Variants in WLS observed in about 807,000 individuals in gnomAD.
WLS encodes Wnt ligand secretion mediator, also known as protein wntless homolog.
Under a neutral mutation model 62.8 loss-of-function variants are expected in WLS, and 23 were observed. The observed-to-expected ratio is 0.37, with a 90% CI of 0.26 to 0.52. The LOEUF is 0.52. WLS is among the 20% of genes least tolerant of loss of function. The pLI, the probability that WLS is intolerant of heterozygous loss-of-function variation, is 0.92. For synonymous variants in WLS, 246 were observed against 244.1 expected (o/e 1.01, Z -0.07); for missense variants, 615 against 697.3 (o/e 0.88, Z 1.33).
intron 2 of WLS, chr1:68,162,289 A>C (rs1206231084): frequency 1.3e-5 from 21 of 1,606,692 alleles, no homozygotes; most frequent in Admixed American, 1.7e-5. Flanking sequence ...GGGTGCGTTC[A>C]CAAGGAATGC....
chr1:68,163,448 A>C (rs1647014743), intron 2 of WLS, among the ~76,000 whole-genome samples: 1 of 149,376 alleles, frequency 6.7e-6, no homozygotes, highest in African/African-American at 2.5e-5. Flanking sequence ...GCCTCCCCTC[A>C]GCGCAGCATG....
At chr1:68,224,140 G>A (rs2820470) in intron 1 of WLS, among the ~76,000 whole-genome samples, 151,293 of 152,326 alleles carry the variant, frequency 0.99, 75,141 homozygotes, top group East Asian at 1. Context: ...AAGACCCTGT[G>A]ATTCCTGTGG....
At chr1:68,160,984 A>G (rs1646963950) in intron 2 of WLS, among the ~76,000 whole-genome samples, 1 of 152,350 alleles carries the variant, frequency 6.6e-6, no homozygotes, top group South Asian at 2.1e-4. Flanking sequence ...CTGACAAGTT[A>G]CCATAAAAAG....
intron 1 of WLS, among the ~76,000 whole-genome samples, chr1:68,217,814 T>C (rs1649790653): frequency 6.6e-6 from 1 of 152,164 alleles, no homozygotes; most frequent in Non-Finnish European, 1.5e-5. Context: ...AGCCCCTTTG[T>C]GAGAGGGGTC....
intron 2 of WLS, among the ~76,000 whole-genome samples, chr1:68,187,312 G>A (rs754115868): frequency 4.4e-4 from 67 of 151,370 alleles, no homozygotes; most frequent in Non-Finnish European, 8.7e-4. Context: ...TTTATCAAAT[G>A]AATAATTAGT....
At chr1:68,208,869 G>GC (rs1228124860) in intron 1 of WLS, among the ~76,000 whole-genome samples, 4 of 152,176 alleles carry the variant, frequency 2.6e-5, no homozygotes, top group Non-Finnish European at 1.5e-5. Flanking sequence ...TTAGAGATAT[G>GC]CCTGCACTGG....
At chr1:68,130,625 G>C (rs1189732407) in intron 11 of WLS, among the ~76,000 whole-genome samples, 3 of 152,112 alleles carry the variant, frequency 2.0e-5, no homozygotes, top group African/African-American at 7.2e-5. Context: ...GAAAAGTGTA[G>C]TATTTTAAAG....
intron 1 of WLS, among the ~76,000 whole-genome samples, chr1:68,226,566 C>T (rs1650149646): frequency 6.6e-6 from 1 of 151,916 alleles, no homozygotes; most frequent in East Asian, 1.9e-4. Context: ...TCTCGAATTC[C>T]CAATAAATAA....
chr1:68,109,667 TTAAAC>T (rs1646195201), intron 11 of WLS, among the ~76,000 whole-genome samples: 1 of 151,844 alleles, frequency 6.6e-6, no homozygotes, highest in African/African-American at 2.4e-5. Flanking sequence ...GTTGAAGAAA[TTAAAC>T]AGAATATAGC....
At chr1:68,208,718 A>G (rs1243409805) in intron 1 of WLS, among the ~76,000 whole-genome samples, 1 of 152,214 alleles carries the variant, frequency 6.6e-6, no homozygotes, top group East Asian at 1.9e-4. Flanking sequence ...CATAGAGGCA[A>G]CATGAGAAAG....
Position 68,150,273 on chromosome 1 carries a change from A to C in WLS, c.887T>G (p.Met296Arg), listed in dbSNP as rs747019918. The C allele has an allele frequency of 1.2e-6, 2 of 1,614,240 alleles. No homozygotes were observed. Among genetic ancestry groups the C allele is most frequent in the South Asian group, 2.2e-5 (2 of 91,086 alleles). The change falls in exon 6 of 12, where the codon ATG (methionine) becomes AGG (arginine). Residue 296 changes from methionine to arginine, a missense_variant. Coordinates refer to ENST00000262348, the MANE Select transcript of WLS (RefSeq NM_024911.7). The stretch of plus-strand genomic sequence containing the variant: ...CTGTCGGATGTCACCAAACAGCAGC[A>C]TCCAGGTCCAGTCAAACCCGATGGA... ...WFSIGFDWTW[M>R]LLFGDIRQGI...
At chr1:68,139,486 G>C (rs1372167600) in intron 10 of WLS, among the ~76,000 whole-genome samples, 2 of 152,190 alleles carry the variant, frequency 1.3e-5, no homozygotes, top group African/African-American at 4.8e-5. Context: ...GAACTCTTCT[G>C]TATGTGATTA....
chr1:68,232,431 C>A lies in WLS; in HGVS notation c.-132G>T, dbSNP rs1254646082. On this transcript the variant is annotated 5_prime_UTR_variant, in exon 1 of 12. Transcript: ENST00000262348. ...CTGCAAAACTTCAGAGGTGCTGGAGCGCGGCGAGGATGGGACCGGGACGGA... is the reference window on the plus strand; with the variant it reads ...CTGCAAAACTTCAGAGGTGCTGGAGAGCGGCGAGGATGGGACCGGGACGGA... 4 of 1,428,594 alleles carry A rather than the reference C, an allele frequency of 2.8e-6. No homozygotes were observed. The African/African-American group carries it at 5.8e-5, about 21-fold the overall frequency. 88.5% of individuals were successfully genotyped at this position (1,428,594 alleles called of 1,614,324 possible).
rs1020879487 is a variant in WLS, at chr1:68,153,724, T to C, written c.667-71A>G. The C allele has an allele frequency of 1.1e-5, 18 of 1,599,588 alleles. No individual in the cohort carries two copies. The African/African-American group carries it at 2.0e-4, about 18-fold the overall frequency. The stretch of plus-strand genomic sequence containing the variant: ...CATTTCCTTCTACTAGCAAATGCTT[T>C]TGTGGGAGAGGTAAGTGGAGACCTC... On this transcript the variant is annotated intron_variant, in intron 4 of 11. Coordinates refer to ENST00000262348, the MANE Select transcript of WLS (RefSeq NM_024911.7).
At chr1:68,216,105 A>G (rs1025612177) in intron 1 of WLS, among the ~76,000 whole-genome samples, 2 of 152,364 alleles carry the variant, frequency 1.3e-5, no homozygotes, top group South Asian at 2.1e-4. Context: ...AGAGAGCTCA[A>G]AAAGAAATGT....
At chr1:68,112,258 T>A (rs1646237458) in intron 11 of WLS, among the ~76,000 whole-genome samples, 1 of 152,212 alleles carries the variant, frequency 6.6e-6, no homozygotes, top group African/African-American at 2.4e-5. Context: ...TCTTATGCAG[T>A]GCACTAGCTG....
intron 1 of WLS, among the ~76,000 whole-genome samples, chr1:68,198,530 G>A (rs1648807647): frequency 6.6e-6 from 1 of 152,100 alleles, no homozygotes; most frequent in African/African-American, 2.4e-5. Flanking sequence ...ACAACCTGAA[G>A]TCTCTATGAA....
At chr1:68,205,192 C>T (rs756358902) in intron 1 of WLS, among the ~76,000 whole-genome samples, 2 of 152,106 alleles carry the variant, frequency 1.3e-5, no homozygotes, top group Non-Finnish European at 2.9e-5. Context: ...GGTCAGTCTC[C>T]CAAGGTCACA....
intron 1 of WLS, among the ~76,000 whole-genome samples, chr1:68,224,093 C>A (rs1650043559): frequency 6.6e-6 from 1 of 152,150 alleles, no homozygotes; most frequent in East Asian, 1.9e-4. Context: ...TGGATAAAAC[C>A]TCTGAGTTAA....
Sources: allele counts gnomAD v4.1 joint callset (sites outside exome capture counted in the v4.1 genomes callset), GRCh38; gene constraint gnomAD v4.1.1; transcripts MANE v1.5; gene names NCBI Gene and HGNC (gene_info 2026-07-23, HGNC 2026-07-21).